The following PRELP variants were observed in gnomAD, a reference collection of about 807,000 sequenced individuals.
PRELP encodes the protein prolargin.
Under a neutral mutation model 22.8 loss-of-function variants are expected in PRELP, and 16 were observed. That is an observed-to-expected ratio of 0.70 (90% CI 0.47 to 1.06). The LOEUF is 1.06. Ranked by LOEUF, PRELP falls within the 50% of genes least tolerant of loss-of-function variation. The pLI is 0.00. For missense variants in PRELP, 434 were observed against 485.2 expected (o/e 0.89, Z 0.99); for synonymous variants, 233 against 211.4 (o/e 1.10, Z -0.89).
In PRELP at chr1:203,489,145, T is replaced by A. The variant is rs954622615; in HGVS notation, c.*2264T>A. ...TTATGGCCGAAAGCAACCTGGTGCT[T>A]CGGCCTGGATAAGAGCCCCTTCTGC... On this transcript the variant is annotated 3_prime_UTR_variant, in exon 3 of 3. Transcript: ENST00000343110. 6.6e-6 allele frequency: 1 copy of A among 152,670 alleles called. No homozygotes were observed. The highest frequency in any genetic ancestry group is 6.5e-5 in the Admixed American group (1 of 15,282). 9.5% of individuals were successfully genotyped at this position (152,670 alleles called of 1,614,324 possible). A position where few individuals can be genotyped will look rare whatever the true frequency, so the allele number is the denominator to read the frequency against.
At position 203,486,742 on chromosome 1, in the gene PRELP, T is replaced by A; in HGVS notation, c.1010T>A (p.Val337Glu). 1 of 1,614,098 alleles carries A rather than the reference T, an allele frequency of 6.2e-7. No individual in the cohort carries two copies. The highest frequency in any genetic ancestry group is 8.5e-7 in the Non-Finnish European group (1 of 1,179,942). Residue 337 changes from valine (V) to glutamate (E), a missense_variant, in exon 3 of 3, where the codon GTG becomes GAG. Physicochemically the swap from Val to Glu is moderately radical, Grantham distance 121 (BLOSUM62 -2). Coordinates refer to ENST00000343110, the MANE Select transcript of PRELP (RefSeq NM_002725.4). ...ACCCAGATTTGCCCCAACGACCTAG[T>A]GGCGTTCCATGACTTCTCCTCGGAC... Reference protein sequence around the residue: ...NGTQICPNDLVAFHDFSSDLE... With the variant: ...NGTQICPNDLEAFHDFSSDLE...
chr1:203,481,830 T>C (rs1206489215), intron 1 of PRELP, among the ~76,000 whole-genome samples: 1 of 152,254 alleles, frequency 6.6e-6, no homozygotes, highest in African/African-American at 2.4e-5. Flanking sequence ...CACTTCTTCC[T>C]TCCAGTCCTC....
chr1:203,480,433 T>C (rs1660980466), intron 1 of PRELP, among the ~76,000 whole-genome samples: 1 of 152,168 alleles, frequency 6.6e-6, no homozygotes, highest in Non-Finnish European at 1.5e-5. Flanking sequence ...TCTGAGGCTT[T>C]GTAGGAGGGA....
chr1:203,483,849 AC>A lies in PRELP; in HGVS notation c.667del (p.Leu223SerfsTer11), dbSNP rs1485703150. The A allele has an allele frequency of 6.2e-7, 1 of 1,613,954 alleles. No individual in the cohort carries two copies. Among genetic ancestry groups the A allele is most frequent in the Admixed American group, 1.7e-5 (1 of 60,002 alleles). On this transcript the variant is annotated frameshift_variant, in exon 2 of 3. Transcript: ENST00000343110. LOFTEE classifies it high-confidence loss of function. This position sits in a 1 kb window ranked among gnomAD's most constrained non-coding sequence, Gnocchi z 4.4. ...FKPDTFHGLKNLMQLNLAHNI... is the reference protein window; with the variant it reads ...FKPDTFHGLKXLMQLNLAHNI... ...CCCGACACCTTCCATGGCCTCAAGA[AC>A]CTCATGCAGCTCAACCTGGCCCACA...
chr1:203,480,875 G>A (rs1309789987), intron 1 of PRELP, among the ~76,000 whole-genome samples: 2 of 152,224 alleles, frequency 1.3e-5, no homozygotes, highest in Non-Finnish European at 2.9e-5. Flanking sequence ...CTGCACATGG[G>A]GATGAGGAAG....
In PRELP at chr1:203,490,367, A is replaced by G. The variant is rs772468084; in HGVS notation, c.*3486A>G. The G allele has an allele frequency of 1.3e-5, 2 of 152,202 alleles. No individual in the cohort carries two copies. Among genetic ancestry groups the G allele is most frequent in the Admixed American group, 6.5e-5 (1 of 15,272 alleles). 9.4% of individuals were successfully genotyped at this position (152,202 alleles called of 1,614,324 possible). On this transcript the variant is annotated 3_prime_UTR_variant, in exon 3 of 3. Transcript: ENST00000343110. ...CCCACCCACAGACAAAAAAATATATATATTCCTAAAGTCGGACCAGAAATC... is the reference window on the plus strand; with the variant it reads ...CCCACCCACAGACAAAAAAATATATGTATTCCTAAAGTCGGACCAGAAATC...
intron 1 of PRELP, among the ~76,000 whole-genome samples, chr1:203,482,437 C>T (rs530783658): frequency 1.3e-5 from 2 of 151,188 alleles, no homozygotes; most frequent in African/African-American, 4.9e-5. Context: ...CAACACCACA[C>T]CCTGCTAATT....
At chr1:203,480,734 T>C (rs1571584564) in intron 1 of PRELP, among the ~76,000 whole-genome samples, 1 of 152,204 alleles carries the variant, frequency 6.6e-6, no homozygotes, top group African/African-American at 2.4e-5. Flanking sequence ...CTTCCCCACA[T>C]AACTTGCTCC....
chr1:203,485,478 G>C (rs1453446269), intron 2 of PRELP, among the ~76,000 whole-genome samples: 2 of 152,156 alleles, frequency 1.3e-5, no homozygotes. Flanking sequence ...GGGTGATTAC[G>C]TTCTTCACAA....
In PRELP at chr1:203,475,957, TG is replaced by T. The variant is rs1332883069; in HGVS notation, c.-17+22del. On this transcript the variant is annotated intron_variant, in intron 1 of 2. Coordinates refer to ENST00000343110, the MANE Select transcript of PRELP (RefSeq NM_002725.4). ...TGTGCAGGTAAGCCCAGTTGGGAGA[TG>T]GGCAGGAGACTGGGAAGAATCTTTC... 2.6e-5 allele frequency: 4 copies of T among 152,638 alleles called. No individual in the cohort carries two copies. Among genetic ancestry groups the T allele is most frequent in the Non-Finnish European group, 4.4e-5 (3 of 68,068 alleles). The allele number at this position is 152,638 out of a possible 1,614,324, so 9.5% of individuals were successfully genotyped here.
chr1:203,485,241 C>T (rs1661073944), intron 2 of PRELP, among the ~76,000 whole-genome samples: 1 of 151,726 alleles, frequency 6.6e-6, no homozygotes, highest in Non-Finnish European at 1.5e-5. Context: ...AAACACATTA[C>T]CCCCAGGAAG....
chr1:203,477,279 GT>G (rs1660927450), intron 1 of PRELP, among the ~76,000 whole-genome samples: 1 of 152,192 alleles, frequency 6.6e-6, no homozygotes, highest in Non-Finnish European at 1.5e-5. Context: ...GAGCTTTGCT[GT>G]AATTTTTAAG....
At chr1:203,486,576 C>T in intron 2 of PRELP, 130 bp from the exon 3 acceptor site, 1 of 824,360 alleles carries the variant, frequency 1.2e-6, no homozygotes, top group Non-Finnish European at 1.9e-6. Flanking sequence ...TATGATCACA[C>T]ATTCCCAAAG....
intron 1 of PRELP, among the ~76,000 whole-genome samples, chr1:203,481,692 G>A (rs760394883): frequency 3.9e-5 from 6 of 152,094 alleles, no homozygotes; most frequent in South Asian, 2.1e-4. Context: ...AGTGTACTGC[G>A]TATGGGCTCA....
In PRELP at chr1:203,484,059, A is replaced by C; in HGVS notation, c.875A>C (p.Asn292Thr). ...CCCAAGAACTCCTTTAATATCTCCA[A>C]CCTGCTTGTGCTCCACCTGTCCCAC... ...GLPKNSFNIS[N>T]LLVLHLSHNR... The change falls in exon 2 of 3, where the codon AAC becomes ACC. Residue 292 changes from asparagine to threonine, a missense_variant. Asn to Thr is a moderately conservative substitution (Grantham distance 65, BLOSUM62 0). Coordinates refer to ENST00000343110, the MANE Select transcript of PRELP (RefSeq NM_002725.4). 1 of 1,613,276 alleles carries C rather than the reference A, an allele frequency of 6.2e-7. No individual in the cohort carries two copies. The highest frequency in any genetic ancestry group is 1.1e-5 in the South Asian group (1 of 91,052).
intron 1 of PRELP, among the ~76,000 whole-genome samples, chr1:203,477,736 G>GTGCAAAAGGCTGGA (rs1558230150): frequency 6.6e-6 from 1 of 152,080 alleles, no homozygotes; most frequent in African/African-American, 2.4e-5. Context: ...AAAAAGCTGG[G>GTGCAAAAGGCTGGA]AGAAGTCAAG....
chr1:203,483,562 A>G lies in PRELP; in HGVS notation c.378A>G (p.Thr126=). 6.2e-7 allele frequency: 1 copy of G among 1,614,224 alleles called. No homozygotes were observed. The highest frequency in any genetic ancestry group is 1.1e-5 in the South Asian group (1 of 91,090). The stretch of plus-strand genomic sequence containing the variant: ...CGGTGGAGTCCTTCCAGAATGCCAC[A>G]GGCCTGCGATGGATTAACCTGGACA... ...ELPVESFQNA[T]GLRWINLDNN... is the part of the protein sequence containing the mutation. Residue 126 remains threonine, a synonymous_variant, in exon 2 of 3, where the codon ACA becomes ACG. Coordinates refer to ENST00000343110, the MANE Select transcript of PRELP (RefSeq NM_002725.4). The surrounding 1 kb of genome is among the most constrained non-coding windows in gnomAD (Gnocchi z 4.4).
In PRELP at chr1:203,483,313, A is replaced by G. The variant is rs756518365; in HGVS notation, c.129A>G (p.Thr43=). The G allele has an allele frequency of 3.7e-6, 6 of 1,613,466 alleles. No individual in the cohort carries two copies. In the South Asian group the frequency reaches 6.6e-5, roughly 18 times the overall value. ...GRRPRPRPRP[T]PSFPQPDEPA... is the part of the protein sequence containing the mutation. ...GACCCAGGCCCAGGCCCAGGCCCAC[A>G]CCCAGCTTTCCTCAGCCTGATGAAC... The change falls in exon 2 of 3, where the codon ACA becomes ACG. Residue 43 remains threonine (T), a synonymous_variant. Coordinates refer to ENST00000343110, the MANE Select transcript of PRELP (RefSeq NM_002725.4). The surrounding 1 kb of genome is among the most constrained non-coding windows in gnomAD (Gnocchi z 4.4).
chr1:203,485,102 G>A (rs773865537), intron 2 of PRELP, among the ~76,000 whole-genome samples: 1 of 151,366 alleles, frequency 6.6e-6, no homozygotes, highest in South Asian at 2.1e-4. Flanking sequence ...AACAATGGGC[G>A]AATAGATCGT....
Sources: allele counts gnomAD v4.1 joint callset (sites outside exome capture counted in the v4.1 genomes callset), GRCh38; gene constraint gnomAD v4.1.1; non-coding constraint Gnocchi (gnomAD v3.1); transcripts MANE v1.5; gene names NCBI Gene and HGNC (gene_info 2026-07-23, HGNC 2026-07-21).